IFT56: variants seen among roughly 807,000 people sequenced by gnomAD.
IFT56 encodes intraflagellar transport 56, also known as intraflagellar transport protein 56.
At chr7:139,185,669 A>G in the IFT56 span, among the ~76,000 whole-genome samples, 1 of 152,038 alleles carries the variant, frequency 6.6e-6, no homozygotes, top group Non-Finnish European at 1.5e-5. Context: ...AGAGAGAGTT[A>G]TGGTCTGGAA....
chr7:139,168,630 C>G, the IFT56 span: 1 of 460,510 alleles, frequency 2.2e-6, no homozygotes, highest in African/African-American at 1.9e-5. Context: ...TTAAAAGGGT[C>G]CAATTTTTAA....
the IFT56 span, among the ~76,000 whole-genome samples, chr7:139,176,523 C>T: frequency 6.6e-6 from 1 of 152,106 alleles, no homozygotes; most frequent in African/African-American, 2.4e-5. Context: ...CTTGAAACTT[C>T]ATTTTTATGA....
chr7:139,133,848 C>T, the IFT56 span: 3 of 1,614,168 alleles, frequency 1.9e-6, no homozygotes, highest in South Asian at 1.1e-5. Context: ...CTCACAAGAC[C>T]GACGTCAAGA....
the IFT56 span, among the ~76,000 whole-genome samples, chr7:139,167,178 T>A: frequency 6.6e-6 from 1 of 152,150 alleles, no homozygotes; most frequent in Non-Finnish European, 1.5e-5. Context: ...ATATGAAAAT[T>A]TAGAATTCTG....
At chr7:139,182,478 A>G in the IFT56 span, among the ~76,000 whole-genome samples, 2 of 152,212 alleles carry the variant, frequency 1.3e-5, no homozygotes, top group Admixed American at 6.5e-5. Flanking sequence ...TCAGTTTTAG[A>G]TGTATTAAAT....
the IFT56 span, among the ~76,000 whole-genome samples, chr7:139,166,261 C>G: frequency 1.3e-5 from 2 of 151,918 alleles, no homozygotes; most frequent in Non-Finnish European, 2.9e-5. Context: ...CCCGGCCTCT[C>G]TTTTATATAA....
the IFT56 span, among the ~76,000 whole-genome samples, chr7:139,174,560 ACAAT>A: frequency 0.016 from 2,467 of 152,314 alleles, 68 homozygotes; most frequent in African/African-American, 0.056. Context: ...AGCAAAGGAA[ACAAT>A]CAACAAAGTG....
chr7:139,141,983 T>A, the IFT56 span, among the ~76,000 whole-genome samples: 1 of 152,220 alleles, frequency 6.6e-6, no homozygotes, highest in Non-Finnish European at 1.5e-5. Context: ...TACAACCATG[T>A]GTGTGGAGTG....
chr7:139,147,331 T>G, the IFT56 span: 23 of 1,531,658 alleles, frequency 1.5e-5, no homozygotes, highest in South Asian at 2.4e-4. Context: ...CCTTTCATTT[T>G]GTTAGTTTCT....
the IFT56 span, among the ~76,000 whole-genome samples, chr7:139,164,299 C>T: frequency 6.6e-6 from 1 of 152,136 alleles, no homozygotes; most frequent in African/African-American, 2.4e-5. Flanking sequence ...GAAAGGTAGG[C>T]ATTACTAATG....
At chr7:139,139,834 T>C in the IFT56 span, 1 of 1,106,886 alleles carries the variant, frequency 9.0e-7, no homozygotes. Flanking sequence ...TGTGGAAGAA[T>C]GGCCCATCAA....
At chr7:139,137,868 G>A in the IFT56 span, 3 of 1,613,394 alleles carry the variant, frequency 1.9e-6, no homozygotes, top group Admixed American at 1.7e-5. Flanking sequence ...TGTTGGGGAA[G>A]AAGAAGAGGA....
the IFT56 span, chr7:139,133,856 A>G: frequency 3.0e-4 from 491 of 1,614,252 alleles, no homozygotes; most frequent in Non-Finnish European, 3.8e-4. Flanking sequence ...ACCGACGTCA[A>G]GATGGTTAGT....
At chr7:139,154,953 A>G in the IFT56 span, among the ~76,000 whole-genome samples, 1 of 151,710 alleles carries the variant, frequency 6.6e-6, no homozygotes, top group Non-Finnish European at 1.5e-5. Flanking sequence ...CTTTAAATCC[A>G]TTCACATGGA....
the IFT56 span, chr7:139,134,890 T>G: frequency 7.7e-7 from 1 of 1,291,458 alleles, no homozygotes; most frequent in Non-Finnish European, 1.1e-6. Context: ...AATAGGTGGG[T>G]GCATTCTGGG....
chr7:139,167,051 C>T, the IFT56 span, among the ~76,000 whole-genome samples: 580 of 152,188 alleles, frequency 3.8e-3, 1 homozygote, highest in Non-Finnish European at 6.2e-3. Flanking sequence ...ATGTTATATG[C>T]GACTTGTGAT....
the IFT56 span, among the ~76,000 whole-genome samples, chr7:139,164,790 A>C: frequency 1.3e-5 from 2 of 152,232 alleles, no homozygotes; most frequent in Admixed American, 1.3e-4. Flanking sequence ...AAATAAAGAT[A>C]TAAGGGCTAT....
chr7:139,174,293 G>A, the IFT56 span: 5 of 565,260 alleles, frequency 8.8e-6, no homozygotes, highest in African/African-American at 1.9e-5. Flanking sequence ...GGCGTCCCAC[G>A]GGAGCCCACC....
At chr7:139,153,251 G>A in the IFT56 span, among the ~76,000 whole-genome samples, 2 of 151,878 alleles carry the variant, frequency 1.3e-5, no homozygotes, top group Non-Finnish European at 2.9e-5. Context: ...AGGAGTTAGA[G>A]ACCAGCCTGG....
Sources: allele counts gnomAD v4.1 joint callset (sites outside exome capture counted in the v4.1 genomes callset), GRCh38; gene constraint gnomAD v4.1.1; transcripts MANE v1.5; gene names NCBI Gene and HGNC (gene_info 2026-07-23, HGNC 2026-07-21).